Variants in DPP10 observed in about 807,000 individuals in gnomAD.
DPP10 encodes the protein dipeptidyl peptidase like 10.
In DPP10, 33 loss-of-function variants were observed where a neutral mutation model predicts 120.9. The observed-to-expected ratio is 0.27, with a 90% CI of 0.21 to 0.37. DPP10 has a LOEUF of 0.37. DPP10 is among the 10% of genes least tolerant of loss of function. The pLI is 1.00. For missense variants in DPP10, 816 were observed against 942.8 expected, an observed-to-expected ratio of 0.87 and a Z score of 1.76; for synonymous variants, 337 against 326.1, an observed-to-expected ratio of 1.03 and a Z score of -0.36.
intron 3 of DPP10, among the ~76,000 whole-genome samples, chr2:115,389,434 T>G (rs987780541): frequency 1.3e-5 from 2 of 152,224 alleles, no homozygotes; most frequent in Non-Finnish European, 2.9e-5. Flanking sequence ...TAATTTTGTT[T>G]GCCCCTAAAC....
At chr2:115,275,809 C>T (rs2059896415) in intron 1 of DPP10, among the ~76,000 whole-genome samples, 1 of 151,438 alleles carries the variant, frequency 6.6e-6, no homozygotes, top group African/African-American at 2.4e-5. Context: ...ACACCATTCT[C>T]CTGCCTCAGC....
intron 1 of DPP10, among the ~76,000 whole-genome samples, chr2:114,632,503 GTTTTTTTTT>G (rs756591992): frequency 1.1e-5 from 1 of 88,622 alleles, no homozygotes; most frequent in African/African-American, 4.6e-5. Context: ...TGGACTTAGG[GTTTTTTTTT>G]TTTTTTTTTT....
chr2:115,113,269 CTA>C (rs369335277), intron 1 of DPP10, among the ~76,000 whole-genome samples: 8 of 149,220 alleles, frequency 5.4e-5, no homozygotes, highest in East Asian at 3.9e-4. Context: ...TGTATATATG[CTA>C]TATATATATA....
chr2:114,738,956 C>T (rs181005908), intron 1 of DPP10, among the ~76,000 whole-genome samples: 11 of 152,284 alleles, frequency 7.2e-5, no homozygotes, highest in Middle Eastern at 6.8e-3. Flanking sequence ...TCTCCCCTAT[C>T]CTAATTCAAG....
intron 21 of DPP10, among the ~76,000 whole-genome samples, chr2:115,820,901 A>G (rs1373977398): frequency 2.0e-5 from 3 of 150,634 alleles, no homozygotes; most frequent in Non-Finnish European, 4.4e-5. Context: ...TATTTTTTGC[A>G]ATTATGAATT....
rs1403057238 is a variant in DPP10 at position 115,377,538 on chromosome 2, A to C, written c.271+33626A>C. On this transcript the variant is annotated intron_variant, in intron 3 of 25. Coordinates refer to ENST00000410059, the MANE Select transcript of DPP10 (RefSeq NM_020868.6). ...TCTGATGGTAGTTTCTTTTGCTGTGAAGAAGCTCTTTAGTTTAATTAGATC... is the reference window on the plus strand; with the variant it reads ...TCTGATGGTAGTTTCTTTTGCTGTGCAGAAGCTCTTTAGTTTAATTAGATC... Among the ~76,000 whole-genome samples, 76 of 152,146 alleles carry C rather than the reference A, an allele frequency of 5.0e-4. No homozygotes were observed. The East Asian group carries it at 5.2e-3, about 10-fold the overall frequency.
At chr2:115,416,175 C>G (rs1035654185) in intron 3 of DPP10, among the ~76,000 whole-genome samples, 6 of 151,896 alleles carry the variant, frequency 4.0e-5, no homozygotes, top group African/African-American at 1.5e-4. Context: ...GAATGGCCAC[C>G]CCAATGGCTG....
intron 1 of DPP10, among the ~76,000 whole-genome samples, chr2:115,135,531 A>G (rs952356799): frequency 1.3e-5 from 2 of 152,202 alleles, no homozygotes; most frequent in African/African-American, 4.8e-5. Context: ...GATAGTAGGT[A>G]GAATGGCCCA....
intron 1 of DPP10, among the ~76,000 whole-genome samples, chr2:114,990,733 C>A (rs904000483): frequency 2.0e-5 from 3 of 152,142 alleles, no homozygotes; most frequent in Admixed American, 1.3e-4. Context: ...AGCACAGACA[C>A]CCTTTGAAGT....
In DPP10 at chr2:115,207,416, C is replaced by CAAAAAAAAAAAAAAAAAAAAAAA. The variant is rs57462947; in HGVS notation, c.61-101815_61-101793dup. 7.6e-5 allele frequency among the ~76,000 whole-genome samples: 4 copies of CAAAAAAAAAAAAAAAAAAAAAAA among 52,300 alleles called. 1 individual carries two copies. Among genetic ancestry groups the CAAAAAAAAAAAAAAAAAAAAAAA allele is most frequent in the African/African-American group, 2.6e-4 (4 of 15,134 alleles). The allele number at this position is 52,300 out of a possible 152,430, so 34.3% of individuals were successfully genotyped here. ...GGTTTTTAAAGAGTGCTTACTGCAC[C>CAAAAAAAAAAAAAAAAAAAAAAA]AAAAAAAAAAAAAAAAAAAAAAAAA... On this transcript the variant is annotated intron_variant, in intron 1 of 25. Transcript: ENST00000410059.
chr2:115,130,801 T>C (rs537005376), intron 1 of DPP10: 8 of 152,354 alleles, frequency 5.3e-5, no homozygotes, highest in African/African-American at 1.9e-4. Context: ...TCTCAACTCC[T>C]ACTTCCTTTT....
At chr2:114,723,205 G>A (rs1701820624) in intron 1 of DPP10, among the ~76,000 whole-genome samples, 1 of 152,178 alleles carries the variant, frequency 6.6e-6, no homozygotes, top group South Asian at 2.1e-4. Context: ...ATCAGTCTGT[G>A]CTTCTAAGCT....
chr2:114,845,657 A>C (rs912428330), intron 1 of DPP10, among the ~76,000 whole-genome samples: 1 of 152,126 alleles, frequency 6.6e-6, no homozygotes, highest in Non-Finnish European at 1.5e-5. Flanking sequence ...TGAACCACAA[A>C]ATGAAGTGCA....
chr2:115,218,911 A>T (rs981200615), intron 1 of DPP10, among the ~76,000 whole-genome samples: 8 of 152,112 alleles, frequency 5.3e-5, no homozygotes, highest in Non-Finnish European at 7.4e-5. Flanking sequence ...CCAATATCAT[A>T]TGTTCCCATT....
intron 2 of DPP10, among the ~76,000 whole-genome samples, chr2:115,311,858 C>T (rs867469346): frequency 1.4e-4 from 22 of 152,156 alleles, no homozygotes; most frequent in African/African-American, 4.6e-4. Context: ...CTTGAACTTC[C>T]GGGCTCAAGC....
chr2:115,375,646 T>A (rs2065738780), intron 3 of DPP10, among the ~76,000 whole-genome samples: 1 of 152,220 alleles, frequency 6.6e-6, no homozygotes, highest in Non-Finnish European at 1.5e-5. Context: ...TACCTGAGAC[T>A]GGATAATTTA....
intron 5 of DPP10, among the ~76,000 whole-genome samples, chr2:115,618,946 C>G (rs2084730301): frequency 6.6e-6 from 1 of 150,970 alleles, no homozygotes; most frequent in Non-Finnish European, 1.5e-5. Context: ...ACCCTAATTC[C>G]CTTCCTCCTC....
chr2:115,397,967 G>A (rs970613286), intron 3 of DPP10, among the ~76,000 whole-genome samples: 1 of 152,048 alleles, frequency 6.6e-6, no homozygotes, highest in South Asian at 2.1e-4. Context: ...TGTGAGAGTC[G>A]ATACGGCAAC....
intron 7 of DPP10, among the ~76,000 whole-genome samples, chr2:115,696,746 C>G (rs1336819391): frequency 6.6e-6 from 1 of 152,106 alleles, no homozygotes; most frequent in East Asian, 1.9e-4. Context: ...TGTAACTGCA[C>G]TTTTTCTTTT....
Sources: allele counts gnomAD v4.1 joint callset (sites outside exome capture counted in the v4.1 genomes callset), GRCh38; gene constraint gnomAD v4.1.1; transcripts MANE v1.5; gene names NCBI Gene and HGNC (gene_info 2026-07-23, HGNC 2026-07-21).